ADCY10: variants seen among roughly 807,000 people sequenced by gnomAD.
The protein encoded by ADCY10 is adenylate cyclase 10, also known as adenylate cyclase type 10.
ADCY10 carries 156 observed loss-of-function variants against 183.3 expected under a neutral mutation model. The observed-to-expected ratio is 0.85, with a 90% CI of 0.75 to 0.97. The LOEUF (loss-of-function observed/expected upper bound fraction) is 0.97, where lower values mean the gene tolerates loss of function less well. Among genes scored for constraint, ADCY10 ranks in the 50% least tolerant of loss-of-function variants. The pLI is 0.00. For synonymous variants in ADCY10, 645 were observed against 670.0 expected (o/e 0.96, Z 0.58); for missense variants, 1,745 against 1,934.3 (o/e 0.90, Z 1.84).
At chr1:167,870,121 T>C (rs978921811) in intron 14 of ADCY10, 136 bp downstream of exon 14, 19 of 966,226 alleles carry the variant, frequency 2.0e-5, no homozygotes, top group Non-Finnish European at 2.9e-5. Flanking sequence ...GTTATCTATT[T>C]AGCACAAGGG....
At chr1:167,885,860 C>T (rs1355494936) in intron 8 of ADCY10, among the ~76,000 whole-genome samples, 5 of 152,118 alleles carry the variant, frequency 3.3e-5, no homozygotes, top group African/African-American at 7.2e-5. Context: ...GTGACTTGCC[C>T]ACCTCGGCCT....
intron 17 of ADCY10, among the ~76,000 whole-genome samples, chr1:167,855,593 T>C (rs1235130897): frequency 6.6e-6 from 1 of 152,104 alleles, no homozygotes. Context: ...AGTATACCCA[T>C]ACCCCCCATG....
intron 6 of ADCY10, 101 bp downstream of exon 6, chr1:167,899,322 C>T: frequency 8.3e-7 from 1 of 1,199,044 alleles, no homozygotes. Context: ...CAATCTCCAG[C>T]CCAGGAGCTT....
At chr1:167,864,031 C>T (rs1666491338) in intron 14 of ADCY10, among the ~76,000 whole-genome samples, 2 of 152,224 alleles carry the variant, frequency 1.3e-5, no homozygotes, top group African/African-American at 2.4e-5. Context: ...TGATCACCCA[C>T]GGTGTGCCTG....
intron 4 of ADCY10, 39 bp downstream of exon 4, chr1:167,901,977 C>G (rs1221511415): frequency 5.6e-6 from 9 of 1,612,864 alleles, no homozygotes; most frequent in Non-Finnish European, 7.6e-6. Flanking sequence ...CACCTCAGCA[C>G]TCCTTTCTTA....
At chr1:167,903,787 G>C in intron 3 of ADCY10, 100 bp downstream of exon 3, 2 of 820,402 alleles carry the variant, frequency 2.4e-6, no homozygotes, top group Non-Finnish European at 4.3e-6. Flanking sequence ...GGAAGAGGAG[G>C]AGTGCTAAGC....
chr1:167,880,485 A>G lies in ADCY10; in HGVS notation c.1139+6T>C. The G allele has an allele frequency of 6.2e-7, 1 of 1,603,770 alleles. No homozygotes were observed. The highest frequency in any genetic ancestry group is 8.5e-7 in the Non-Finnish European group (1 of 1,170,544). On this transcript the variant is annotated splice_donor_region_variant and intron_variant, in intron 10 of 32. Coordinates refer to ENST00000367851, the MANE Select transcript of ADCY10 (RefSeq NM_018417.6). ...ACCGCTGGGTGGGACCAGGGTCAATACTCACTGGATTTTGTGGACTTGAGA... is the reference window on the plus strand; with the variant it reads ...ACCGCTGGGTGGGACCAGGGTCAATGCTCACTGGATTTTGTGGACTTGAGA...
intron 14 of ADCY10, among the ~76,000 whole-genome samples, chr1:167,869,109 T>A (rs1391754888): frequency 6.6e-6 from 1 of 152,196 alleles, no homozygotes; most frequent in Non-Finnish European, 1.5e-5. Flanking sequence ...ATGACAAAAC[T>A]GGCACATATG....
intron 8 of ADCY10, among the ~76,000 whole-genome samples, chr1:167,888,629 C>A (rs1558237022): frequency 6.6e-6 from 1 of 152,058 alleles, no homozygotes. Flanking sequence ...GTAATCCCAG[C>A]ACTTTGGGAG....
At chr1:167,849,037 A>T (rs1298110969) in intron 18 of ADCY10, among the ~76,000 whole-genome samples, 1 of 146,674 alleles carries the variant, frequency 6.8e-6, no homozygotes, top group East Asian at 2.1e-4. Flanking sequence ...CAACCAAAAG[A>T]ATTGGCACTA....
rs565292683 is a variant in ADCY10, at chr1:167,887,291, C to A, written c.829-3663G>T. 3.9e-5 allele frequency among the ~76,000 whole-genome samples: 6 copies of A among 152,296 alleles called. No individual in the cohort carries two copies. In the East Asian group the frequency reaches 1.2e-3, roughly 29 times the overall value. ...ATTCACAATAGCAAAGACCTGGAAC[C>A]AACCCAAATGTCCATCAGTGGTAGA... is the stretch of plus-strand genomic sequence containing the variant. On this transcript the variant is annotated intron_variant, in intron 8 of 32. Transcript: ENST00000367851.
intron 8 of ADCY10, among the ~76,000 whole-genome samples, chr1:167,886,053 C>G (rs541111763): frequency 6.6e-6 from 1 of 152,186 alleles, no homozygotes; most frequent in South Asian, 2.1e-4. Flanking sequence ...AAAGAGGACA[C>G]AAACAAATGG....
chr1:167,881,174 G>T (rs1453458008), intron 9 of ADCY10, among the ~76,000 whole-genome samples: 1 of 152,178 alleles, frequency 6.6e-6, no homozygotes, highest in Non-Finnish European at 1.5e-5. Context: ...GTTATTCTTA[G>T]GGATAAAGGC....
chr1:167,873,852 T>G (rs1667267766), intron 13 of ADCY10, among the ~76,000 whole-genome samples: 1 of 152,182 alleles, frequency 6.6e-6, no homozygotes, highest in South Asian at 2.1e-4. Flanking sequence ...TTGATTACAT[T>G]AAAGTTAAGA....
At chr1:167,904,316 G>A (rs962461158) in intron 2 of ADCY10, among the ~76,000 whole-genome samples, 3 of 152,076 alleles carry the variant, frequency 2.0e-5, no homozygotes, top group Non-Finnish European at 4.4e-5. Context: ...TCGAACTCCT[G>A]ACCTTGTGAT....
intron 3 of ADCY10, among the ~76,000 whole-genome samples, chr1:167,902,465 G>T (rs923923338): frequency 2.0e-5 from 3 of 152,344 alleles, no homozygotes; most frequent in Middle Eastern, 3.4e-3. Flanking sequence ...AGGAGTCAGG[G>T]AATGGGAAAA....
chr1:167,887,239 A>G (rs893220934), intron 8 of ADCY10, among the ~76,000 whole-genome samples: 2 of 152,228 alleles, frequency 1.3e-5, no homozygotes, highest in Non-Finnish European at 2.9e-5. Context: ...ATAAAGACAC[A>G]TGCACATGTA....
intron 1 of ADCY10, among the ~76,000 whole-genome samples, chr1:167,912,891 G>A (rs1298633877): frequency 6.6e-6 from 1 of 152,210 alleles, no homozygotes; most frequent in Non-Finnish European, 1.5e-5. Context: ...AAGCACAGAG[G>A]TATTAACTTG....
At position 167,832,944 on chromosome 1, in the gene ADCY10, G is replaced by A. The variant is rs780414959; in HGVS notation, c.3593+43C>T. On this transcript the variant is annotated intron_variant, in intron 25 of 32. Coordinates refer to ENST00000367851, the MANE Select transcript of ADCY10 (RefSeq NM_018417.6). ...TGGATTATGTGTAGGCCTCTCTGGG[G>A]AGTGAGACTAAACAGTCTGCTCTCC... The A allele has an allele frequency of 3.1e-6, 5 of 1,600,830 alleles. No homozygotes were observed. In the African/African-American group the frequency reaches 4.0e-5, roughly 13 times the overall value.
Sources: gnomAD v4.1 joint callset for allele counts (sites outside exome capture counted in the v4.1 genomes callset) on GRCh38, gnomAD v4.1.1 for gene constraint, MANE v1.5 for transcripts, NCBI Gene and HGNC (gene_info 2026-07-23, HGNC 2026-07-21) for gene names.